ADAMTSL2: variants seen among roughly 807,000 people sequenced by gnomAD.
ADAMTSL2 encodes ADAMTS-like protein 2.
In ADAMTSL2, 55 loss-of-function variants were observed where a neutral mutation model predicts 117.0. The ratio of observed to expected loss-of-function variants is 0.47; its 90% CI spans 0.38 to 0.59. The LOEUF (loss-of-function observed/expected upper bound fraction) is 0.59. Ranked by LOEUF, ADAMTSL2 falls within the 20% of genes least tolerant of loss-of-function variation. The pLI is 0.00. For synonymous variants in ADAMTSL2, 572 were observed against 566.4 expected, an observed-to-expected ratio of 1.01 and a Z score of -0.14; for missense variants, 1,182 against 1,354.5, an observed-to-expected ratio of 0.87 and a Z score of 2.00.
Position 133,555,938 on chromosome 9 carries a change from G to T in ADAMTSL2, c.1649+8G>T. The T allele has an allele frequency of 6.2e-7, 1 of 1,609,220 alleles. No homozygotes were observed. Among genetic ancestry groups the T allele is most frequent in the Admixed American group, 1.7e-5 (1 of 60,012 alleles). ...CAGGACTCACAAGGCCAGGTAGGAG[G>T]CACTTTCCTGAGCCCTGTCCAGGGC... is the stretch of plus-strand genomic sequence containing the variant. On this transcript the variant is annotated splice_region_variant and intron_variant, in intron 11 of 18. Transcript: ENST00000651351.
intron 13 of ADAMTSL2, 38 bp from the exon 14 acceptor site, chr9:133,568,235 T>TG (rs1243616002): frequency 2.6e-6 from 4 of 1,539,954 alleles, no homozygotes; most frequent in East Asian, 2.4e-5. Flanking sequence ...CCGGCTGCCA[T>TG]GGGGGGGATC....
chr9:133,563,671 G>A (rs994978738), intron 12 of ADAMTSL2, among the ~76,000 whole-genome samples: 1 of 152,034 alleles, frequency 6.6e-6, no homozygotes, highest in African/African-American at 2.4e-5. Flanking sequence ...TCTGTGCAGC[G>A]TGGCCCAAGG....
chr9:133,550,276 G>A (rs1464598942), intron 9 of ADAMTSL2, among the ~76,000 whole-genome samples: 1 of 152,232 alleles, frequency 6.6e-6, no homozygotes, highest in African/African-American at 2.4e-5. Context: ...TGTGGGTGGT[G>A]CCTCATGGGA....
rs1438121645 is a variant in ADAMTSL2, at chr9:133,558,001, T to G, written c.1649+2071T>G. Among the ~76,000 whole-genome samples the G allele has an allele frequency of 6.6e-6, 1 of 152,076 alleles. No individual in the cohort carries two copies. On this transcript the variant is annotated intron_variant, in intron 11 of 18. Transcript: ENST00000651351. This position sits in a 1 kb window ranked among gnomAD's most constrained non-coding sequence, Gnocchi z 4.3. Reference sequence around the variant, plus strand: ...CCCTTTGGGCCCACCAGGTCAAATATTCAGTGATCCTTAGGCCAGGGTCAT... The same window carrying G: ...CCCTTTGGGCCCACCAGGTCAAATAGTCAGTGATCCTTAGGCCAGGGTCAT...
In ADAMTSL2 at chr9:133,575,009, C is replaced by T. The variant is rs1831196441; in HGVS notation, c.*145C>T. On this transcript the variant is annotated 3_prime_UTR_variant, in exon 19 of 19. Transcript: ENST00000651351. ...CTGAGCCTCGGCTGTCGAGAGGGGA[C>T]TTCCCACGGCCCGTGGACCTTTGTG... 2 of 675,174 alleles carry T rather than the reference C, an allele frequency of 3.0e-6. No individual in the cohort carries two copies. The highest frequency in any genetic ancestry group is 3.3e-5 in the South Asian group (2 of 59,804). 41.8% of individuals were successfully genotyped at this position (675,174 alleles called of 1,614,324 possible). A position where few individuals can be genotyped will look rare whatever the true frequency, so the allele number is the denominator to read the frequency against.
Position 133,554,261 on chromosome 9 carries a change from C to T in ADAMTSL2, c.940-96C>T, listed in dbSNP as rs1830552783. On this transcript the variant is annotated intron_variant, in intron 9 of 18. Transcript: ENST00000651351. The surrounding 1 kb of genome is among the most constrained non-coding windows in gnomAD (Gnocchi z 5.2). The stretch of plus-strand genomic sequence containing the variant: ...GAGGGGGCTCAACTGCCAGTCACAG[C>T]AGGGAACGCACCCTGCAGCTCTGTG... 8.6e-6 allele frequency: 10 copies of T among 1,156,912 alleles called. No homozygotes were observed. The highest frequency in any genetic ancestry group is 2.2e-4 in the Middle Eastern group (1 of 4,638). 71.7% of individuals were successfully genotyped at this position (1,156,912 alleles called of 1,614,324 possible).
chr9:133,568,135 C>A, intron 13 of ADAMTSL2, 138 bp from the exon 14 acceptor site: 1 of 904,318 alleles, frequency 1.1e-6, no homozygotes, highest in Non-Finnish European at 1.7e-6. Context: ...ACCCTCCTGT[C>A]TGGCTTAGCT....
intron 1 of ADAMTSL2, among the ~76,000 whole-genome samples, chr9:133,535,614 G>T (rs532836977): frequency 2.6e-5 from 4 of 152,320 alleles, no homozygotes; most frequent in Admixed American, 1.3e-4. Context: ...TCTTCCCCTG[G>T]AATTGGCCAG....
At chr9:133,559,562 C>G (rs1181759963) in intron 11 of ADAMTSL2, among the ~76,000 whole-genome samples, 2 of 151,092 alleles carry the variant, frequency 1.3e-5, no homozygotes, top group Non-Finnish European at 3.0e-5. Context: ...CCATGTCAGC[C>G]AGGATGGTCT....
rs199776835 is a variant in ADAMTSL2 at position 133,541,011 on chromosome 9, A to G, written c.682+10A>G. The G allele has an allele frequency of 5.2e-5, 84 of 1,612,024 alleles. No individual in the cohort carries two copies. The highest frequency in any genetic ancestry group is 6.8e-5 in the Non-Finnish European group (80 of 1,179,534). On this transcript the variant is annotated intron_variant, in intron 7 of 18. Transcript: ENST00000651351. ...GGGAATGCCCACCTTGGTAAGCCAC[A>G]GCGCGCCCTGGAGTCCAAGCACAGC... is the stretch of plus-strand genomic sequence containing the variant.
chr9:133,564,433 GGA>G (rs1830885184), intron 12 of ADAMTSL2, among the ~76,000 whole-genome samples: 1 of 10,860 alleles, frequency 9.2e-5, no homozygotes, highest in African/African-American at 3.0e-4. Flanking sequence ...AGAGAGAGAG[GGA>G]GAGAGAGAGG....
In ADAMTSL2 at chr9:133,569,446, C is replaced by T. The variant is rs917413064; in HGVS notation, c.2283C>T (p.His761=). 5.6e-6 allele frequency: 9 copies of T among 1,613,484 alleles called. No homozygotes were observed. In the African/African-American group the frequency reaches 9.3e-5, roughly 17 times the overall value. The change falls in exon 16 of 19, where the codon CAC becomes CAT. Residue 761 remains histidine, a synonymous_variant. Transcript: ENST00000651351. The part of the protein sequence containing the change: ...GSCGQGRTIR[H]VYCKTSDGRV... ...GCGGGCAAGGCCGCACCATCAGGCA[C>T]GTGTACTGCAAGACCAGCGACGGAC...
chr9:133,574,028 A>AG, intron 18 of ADAMTSL2, 41 bp downstream of exon 18: 1 of 1,584,836 alleles, frequency 6.3e-7, no homozygotes, highest in Non-Finnish European at 8.6e-7. Context: ...GGGAATTCCC[A>AG]GGGGAGGCGA....
rs1033165675 is a variant in ADAMTSL2 at position 133,554,063 on chromosome 9, G to C, written c.940-294G>C. Among the ~76,000 whole-genome samples, 1 of 152,214 alleles carries C rather than the reference G, an allele frequency of 6.6e-6. No individual in the cohort carries two copies. Among genetic ancestry groups the C allele is most frequent in the Non-Finnish European group, 1.5e-5 (1 of 68,030 alleles). On this transcript the variant is annotated intron_variant, in intron 9 of 18. Coordinates refer to ENST00000651351, the MANE Select transcript of ADAMTSL2 (RefSeq NM_014694.4). This position sits in a 1 kb window ranked among gnomAD's most constrained non-coding sequence, Gnocchi z 5.2. Reference sequence around the variant, plus strand: ...TTCTCTGCATACAGCATGCAGAGACGAGGGCCCACCTGGGCGTGCCTGGAA... The same window carrying C: ...TTCTCTGCATACAGCATGCAGAGACCAGGGCCCACCTGGGCGTGCCTGGAA...
At position 133,554,605 on chromosome 9, in the gene ADAMTSL2, C is replaced by A. The variant is rs1231522794; in HGVS notation, c.1188C>A (p.Gly396=). The change falls in exon 10 of 19, where the codon GGC becomes GGA. Residue 396 remains glycine, a synonymous_variant. Transcript: ENST00000651351. This position sits in a 1 kb window ranked among gnomAD's most constrained non-coding sequence, Gnocchi z 5.2. ...FGHPGLDMEL[G]PSQGQETNEV... ...ACCCGGGCCTGGACATGGAGCTGGG[C>A]CCCAGCCAGGGCCAGGAGACCAACG... 6.5e-6 allele frequency: 10 copies of A among 1,547,578 alleles called. No individual in the cohort carries two copies. The highest frequency in any genetic ancestry group is 7.8e-6 in the Non-Finnish European group (9 of 1,146,528).
intron 12 of ADAMTSL2, among the ~76,000 whole-genome samples, chr9:133,565,613 C>T (rs976275865): frequency 3.0e-4 from 45 of 152,110 alleles, no homozygotes; most frequent in African/African-American, 9.9e-4. Flanking sequence ...TCGTCCTTTA[C>T]GGAAAAAAGA....
intron 12 of ADAMTSL2, among the ~76,000 whole-genome samples, chr9:133,565,416 A>G (rs970053087): frequency 8.5e-5 from 13 of 152,158 alleles, no homozygotes; most frequent in Non-Finnish European, 1.8e-4. Flanking sequence ...GAGCGAATGA[A>G]TAACCAGGCA....
intron 1 of ADAMTSL2, among the ~76,000 whole-genome samples, chr9:133,536,220 T>C (rs1830047027): frequency 6.6e-6 from 1 of 152,208 alleles, no homozygotes; most frequent in African/African-American, 2.4e-5. Flanking sequence ...GCCATTCTCC[T>C]GCGAGGCCAG....
chr9:133,565,988 G>A (rs1250031949), intron 12 of ADAMTSL2, among the ~76,000 whole-genome samples: 1 of 152,162 alleles, frequency 6.6e-6, no homozygotes, highest in Admixed American at 6.5e-5. Flanking sequence ...GTGGCAGTTC[G>A]GTACCAGGCA....
Sources: allele counts gnomAD v4.1 joint callset (sites outside exome capture counted in the v4.1 genomes callset), GRCh38; gene constraint gnomAD v4.1.1; non-coding constraint Gnocchi (gnomAD v3.1); transcripts MANE v1.5; gene names NCBI Gene and HGNC (gene_info 2026-07-23, HGNC 2026-07-21).